Variants in COL28A1 observed in about 807,000 individuals in gnomAD.
The protein encoded by COL28A1 is collagen type XXVIII alpha 1 chain.
A neutral mutation model predicts 150.2 loss-of-function variants in COL28A1; 161 were observed. That is an observed-to-expected ratio of 1.07 (90% CI 0.94 to 1.22). The LOEUF (loss-of-function observed/expected upper bound fraction) is 1.22, where lower values mean the gene tolerates loss of function less well. COL28A1 is among the 50% of genes most tolerant of loss of function. The pLI, the probability that COL28A1 is intolerant of heterozygous loss-of-function variation, is 0.00. For synonymous variants in COL28A1, 552 were observed against 469.7 expected (o/e 1.18, Z -2.26); for missense variants, 1,617 against 1,388.3 (o/e 1.16, Z -2.62).
At chr7:7,369,762 C>A (rs1781120450) in intron 33 of COL28A1, among the ~76,000 whole-genome samples, 1 of 152,088 alleles carries the variant, frequency 6.6e-6, no homozygotes, top group Non-Finnish European at 1.5e-5. Context: ...TTCCTTAGGG[C>A]CTTAGTCTAA....
intron 8 of COL28A1, among the ~76,000 whole-genome samples, chr7:7,513,160 A>G (rs1781239190): frequency 6.6e-6 from 1 of 152,224 alleles, no homozygotes; most frequent in African/African-American, 2.4e-5. Flanking sequence ...GTAACCTCCA[A>G]TTATGGATGC....
intron 11 of COL28A1, among the ~76,000 whole-genome samples, chr7:7,493,736 G>C (rs986294266): frequency 6.6e-5 from 10 of 151,828 alleles, no homozygotes; most frequent in Non-Finnish European, 1.3e-4. Context: ...AAAATATGCT[G>C]TCTGGGTAAA....
intron 8 of COL28A1, among the ~76,000 whole-genome samples, chr7:7,512,866 G>C (rs1159756266): frequency 6.6e-6 from 1 of 152,138 alleles, no homozygotes; most frequent in Non-Finnish European, 1.5e-5. Context: ...TCTTTATTCT[G>C]CCTCTGTACT....
At chr7:7,452,282 AAAGTATCATATCACTT>A (rs1411023908) in intron 18 of COL28A1, 21 bp downstream of exon 18, 1 of 1,587,984 alleles carries the variant, frequency 6.3e-7, no homozygotes, top group East Asian at 2.3e-5. Flanking sequence ...AATGTTACAT[AAAGTATCATATCACTT>A]CTGAGCAGCA....
intron 25 of COL28A1, among the ~76,000 whole-genome samples, chr7:7,428,069 A>G (rs946681606): frequency 6.6e-6 from 1 of 152,228 alleles, no homozygotes; most frequent in Non-Finnish European, 1.5e-5. Context: ...TTCATCTATA[A>G]AACAGGGGGA....
intron 18 of COL28A1, among the ~76,000 whole-genome samples, chr7:7,448,989 A>C (rs1396221196): frequency 6.6e-6 from 1 of 152,098 alleles, no homozygotes; most frequent in East Asian, 1.9e-4. Flanking sequence ...TTACAGAGGG[A>C]TAGAAGGACA....
chr7:7,339,651 T>A, the COL28A1 span, among the ~76,000 whole-genome samples: 2 of 152,128 alleles, frequency 1.3e-5, no homozygotes, highest in Non-Finnish European at 1.5e-5. Flanking sequence ...TTTTCTTGCA[T>A]AAAACTTCTC....
rs886319063 is a variant in COL28A1 at position 7,360,438 on chromosome 7, T to C, written c.3157A>G (p.Thr1053Ala). ...DLPATTSSEA[T>A]TTPRPLLSTP... ...CTGAGCAGTGGCCTGGGGGTGGTGG[T>C]GGCCTCAGATGAGGTAGTGGCAGGC... is the stretch of plus-strand genomic sequence containing the variant. The change falls in exon 34 of 35, where the codon ACC (threonine) becomes GCC (alanine). Residue 1053 changes from threonine to alanine, a missense_variant. Coordinates refer to ENST00000399429, the MANE Select transcript of COL28A1 (RefSeq NM_001037763.3). 3 of 1,608,164 alleles carry C rather than the reference T, an allele frequency of 1.9e-6. No homozygotes were observed. In the African/African-American group the frequency reaches 4.0e-5, roughly 22 times the overall value.
intron 27 of COL28A1, among the ~76,000 whole-genome samples, chr7:7,406,941 C>A (rs1254521608): frequency 6.6e-6 from 1 of 151,870 alleles, no homozygotes; most frequent in South Asian, 2.1e-4. Flanking sequence ...GGACTGAATT[C>A]TTTTTCTAAA....
Position 7,374,038 on chromosome 7 carries a change from A to AAAAAAT in COL28A1, c.2360-493_2360-492insATTTTT. ...TACTTGACTCTTAAAAAAAAAAAAA[A>AAAAAAT]ATATATATATATATATATATATACT... On this transcript the variant is annotated intron_variant, in intron 31 of 34. Transcript: ENST00000399429. Among the ~76,000 whole-genome samples the AAAAAAT allele has an allele frequency of 8.3e-3, 946 of 113,544 alleles. 26 individuals are homozygous for AAAAAAT. Among genetic ancestry groups the AAAAAAT allele is most frequent in the African/African-American group, 0.034 (903 of 26,330 alleles). The allele number at this position is 113,544 out of a possible 152,430, so 74.5% of individuals were successfully genotyped here. A position where few individuals can be genotyped will look rare whatever the true frequency, so the allele number is the denominator to read the frequency against.
At chr7:7,416,605 AAGCAG>A (rs1784088106) in intron 27 of COL28A1, among the ~76,000 whole-genome samples, 1 of 152,220 alleles carries the variant, frequency 6.6e-6, no homozygotes. Context: ...GTTTATGAGA[AAGCAG>A]AGTGTTGCTG....
At chr7:7,376,811 T>C (rs903828735) in intron 30 of COL28A1, among the ~76,000 whole-genome samples, 2 of 152,184 alleles carry the variant, frequency 1.3e-5, no homozygotes, top group Admixed American at 1.3e-4. Context: ...TCTGAAAAAC[T>C]TGATTACTGA....
the COL28A1 span, among the ~76,000 whole-genome samples, chr7:7,349,074 T>C: frequency 6.6e-6 from 1 of 152,104 alleles, no homozygotes; most frequent in South Asian, 2.1e-4. Context: ...TGTCCTTCTT[T>C]TCAATCAATT....
chr7:7,404,840 C>T (rs1362733975), intron 27 of COL28A1, among the ~76,000 whole-genome samples: 1 of 152,144 alleles, frequency 6.6e-6, no homozygotes, highest in Non-Finnish European at 1.5e-5. Flanking sequence ...ACCTAGAAGA[C>T]AGACTGGCAT....
chr7:7,391,618 C>T (rs2128294302), intron 27 of COL28A1, among the ~76,000 whole-genome samples: 1 of 152,232 alleles, frequency 6.6e-6, no homozygotes, highest in South Asian at 2.1e-4. Context: ...ATCTAAGTCT[C>T]TTTGTAGGTC....
At chr7:7,529,631 G>A (rs1022303618) in intron 3 of COL28A1, among the ~76,000 whole-genome samples, 11 of 152,146 alleles carry the variant, frequency 7.2e-5, no homozygotes, top group Admixed American at 2.0e-4. Context: ...CTCAGCGAGG[G>A]TGTATCTGGT....
chr7:7,475,831 T>C (rs1033045644), intron 14 of COL28A1, among the ~76,000 whole-genome samples: 2 of 152,228 alleles, frequency 1.3e-5, no homozygotes, highest in African/African-American at 2.4e-5. Flanking sequence ...TGTCTTCTGA[T>C]AGTGATACTG....
the COL28A1 span, among the ~76,000 whole-genome samples, chr7:7,348,324 C>A: frequency 6.6e-6 from 1 of 152,038 alleles, no homozygotes; most frequent in Non-Finnish European, 1.5e-5. Flanking sequence ...TCCAGCTTCT[C>A]CCCTTAAGAT....
intron 27 of COL28A1, chr7:7,417,551 GAGA>G: frequency 2.5e-5 from 4 of 159,652 alleles, no homozygotes; most frequent in South Asian, 9.3e-5. Context: ...GGGGGGGGGA[GAGA>G]GAGAGAGAGA....
Sources: gnomAD v4.1 joint callset for allele counts (sites outside exome capture counted in the v4.1 genomes callset) on GRCh38, gnomAD v4.1.1 for gene constraint, MANE v1.5 for transcripts, NCBI Gene and HGNC (gene_info 2026-07-23, HGNC 2026-07-21) for gene names.